The following ATE1 variants were observed in gnomAD, a reference collection of about 807,000 sequenced individuals.
ATE1 encodes arginyl-tRNA--protein transferase 1.
A neutral mutation model predicts 70.5 loss-of-function variants in ATE1; 36 were observed. The observed-to-expected ratio is 0.51, with a 90% CI of 0.39 to 0.67. The LOEUF (loss-of-function observed/expected upper bound fraction) is 0.67. ATE1 is among the 30% of genes least tolerant of loss of function. The pLI, the probability that ATE1 is intolerant of heterozygous loss-of-function variation, is 0.00. For synonymous variants in ATE1, 232 were observed against 219.3 expected, an observed-to-expected ratio of 1.06 and a Z score of -0.51; for missense variants, 593 against 629.5, an observed-to-expected ratio of 0.94 and a Z score of 0.62.
chr10:121,866,139 G>A (rs1210470198), intron 8 of ATE1, among the ~76,000 whole-genome samples: 2 of 152,156 alleles, frequency 1.3e-5, no homozygotes, highest in African/African-American at 2.4e-5. Context: ...CTCCTGCCTT[G>A]CCTTTGGTTT....
intron 5 of ATE1, among the ~76,000 whole-genome samples, chr10:121,907,565 G>A (rs1214602734): frequency 1.3e-5 from 2 of 152,020 alleles, no homozygotes; most frequent in African/African-American, 4.8e-5. Flanking sequence ...ACGAGATCAG[G>A]AGGTCAAGAT....
At position 121,873,865 on chromosome 10, in the gene ATE1, T is replaced by A. The variant is rs183946013; in HGVS notation, c.943-3827A>T. ...AGGAAACACTCAACACCAAAAGGCA[T>A]TTTTTACAAAGATAAATAACATTTT... On this transcript the variant is annotated intron_variant, in intron 7 of 11. Transcript: ENST00000224652. Among the ~76,000 whole-genome samples the A allele has an allele frequency of 7.1e-3, 1,078 of 152,242 alleles. 25 individuals carry two copies. The highest frequency in any genetic ancestry group is 0.025 in the African/African-American group (1,021 of 41,562).
At chr10:121,897,824 C>CAAA (rs59751617) in intron 7 of ATE1, among the ~76,000 whole-genome samples, 1 of 101,846 alleles carries the variant, frequency 9.8e-6, no homozygotes. Context: ...GACTCCGTCT[C>CAAA]AAAAAAAAAA....
At chr10:121,782,487 A>G (rs1186141620) in intron 11 of ATE1, 1 of 152,224 alleles carries the variant, frequency 6.6e-6, no homozygotes, top group Non-Finnish European at 1.5e-5. Flanking sequence ...TTATTGGCTA[A>G]GCAAAGTTTT....
In ATE1 at chr10:121,909,613, T is replaced by G. The variant is rs544999151; in HGVS notation, c.583+1293A>C. Among the ~76,000 whole-genome samples, 72 of 152,336 alleles carry G rather than the reference T, an allele frequency of 4.7e-4. 2 individuals carry two copies. In the South Asian group the frequency reaches 0.015, roughly 31 times the overall value. On this transcript the variant is annotated intron_variant, in intron 5 of 11. Transcript: ENST00000224652. ...AGTACATGGAAGTCGATTATACTAT[T>G]CAATCTATGTTCATCTATGTTTGAA...
intron 5 of ATE1, among the ~76,000 whole-genome samples, chr10:121,907,912 A>G (rs1163141133): frequency 6.6e-6 from 1 of 152,204 alleles, no homozygotes; most frequent in Non-Finnish European, 1.5e-5. Context: ...CTCCTAATCT[A>G]GTGTGTGATC....
chr10:121,820,057 C>T (rs1374518114), intron 10 of ATE1, among the ~76,000 whole-genome samples: 1 of 151,980 alleles, frequency 6.6e-6, no homozygotes, highest in Admixed American at 6.6e-5. Flanking sequence ...GAGGCAGAAT[C>T]ACTTGAACTG....
intron 8 of ATE1, among the ~76,000 whole-genome samples, chr10:121,858,659 A>AATATATATAATATATATT (rs1554913043): frequency 0.017 from 125 of 7,496 alleles, no homozygotes; most frequent in African/African-American, 0.049. Context: ...TTATACATAT[A>AATATATATAATATATATT]ATATATATAT....
chr10:121,779,944 G>C (rs1188320092), intron 11 of ATE1, among the ~76,000 whole-genome samples: 4 of 152,052 alleles, frequency 2.6e-5, no homozygotes, highest in African/African-American at 9.7e-5. Context: ...CCCACACTCT[G>C]GGCTTCCTCT....
intron 8 of ATE1, among the ~76,000 whole-genome samples, chr10:121,855,899 AC>A (rs1374163068): frequency 6.6e-6 from 1 of 151,548 alleles, no homozygotes; most frequent in African/African-American, 2.4e-5. Flanking sequence ...ACATGGTGAA[AC>A]CCTGGTCTCT....
chr10:121,843,838 A>C (rs1372271474), intron 8 of ATE1, among the ~76,000 whole-genome samples: 4 of 152,178 alleles, frequency 2.6e-5, no homozygotes, highest in African/African-American at 2.4e-5. Flanking sequence ...CCAGATGATA[A>C]TATAAAAGAA....
chr10:121,742,565 C>G lies in ATE1; in HGVS notation c.*1115G>C, dbSNP rs961095007. Reference sequence around the variant, plus strand: ...GGACATGTCTGACTGTCCTCCTGTACCCAGCACAGTGCCTGCCACCTTGAC... The same window carrying G: ...GGACATGTCTGACTGTCCTCCTGTAGCCAGCACAGTGCCTGCCACCTTGAC... On this transcript the variant is annotated 3_prime_UTR_variant, in exon 12 of 12. Coordinates refer to ENST00000224652, the MANE Select transcript of ATE1 (RefSeq NM_001001976.3). The G allele has an allele frequency of 3.9e-5, 6 of 152,212 alleles. No homozygotes were observed. Among genetic ancestry groups the G allele is most frequent in the African/African-American group, 1.4e-4 (6 of 41,434 alleles). The allele number at this position is 152,212 out of a possible 1,614,324, so 9.4% of individuals were successfully genotyped here. A position where few individuals can be genotyped will look rare whatever the true frequency, so the allele number is the denominator to read the frequency against.
intron 7 of ATE1, among the ~76,000 whole-genome samples, chr10:121,888,471 C>A (rs1430183222): frequency 6.6e-6 from 1 of 152,118 alleles, no homozygotes; most frequent in African/African-American, 2.4e-5. Context: ...CAAGTGACAA[C>A]AGACTTAAAT....
intron 7 of ATE1, among the ~76,000 whole-genome samples, chr10:121,893,465 G>A (rs1346784332): frequency 2.0e-5 from 3 of 151,890 alleles, no homozygotes; most frequent in Non-Finnish European, 4.4e-5. Context: ...ACTGGTTAAC[G>A]TAAGAAATTA....
Position 121,741,547 on chromosome 10 carries a change from G to A in ATE1, c.*2133C>T, listed in dbSNP as rs1944147998. On this transcript the variant is annotated 3_prime_UTR_variant, in exon 12 of 12. Transcript: ENST00000224652. The stretch of plus-strand genomic sequence containing the variant: ...TTGGAGTCAAGTTTTCTCTTCATCT[G>A]ATATTCAAGGGTTGTGATCTTTATG... The A allele has an allele frequency of 6.6e-6, 1 of 152,182 alleles. No individual in the cohort carries two copies. Among genetic ancestry groups the A allele is most frequent in the Admixed American group, 6.5e-5 (1 of 15,280 alleles). The allele number at this position is 152,182 out of a possible 1,614,324, so 9.4% of individuals were successfully genotyped here.
At chr10:121,784,213 G>A (rs1032509634) in intron 11 of ATE1, among the ~76,000 whole-genome samples, 1 of 152,186 alleles carries the variant, frequency 6.6e-6, no homozygotes, top group East Asian at 1.9e-4. Flanking sequence ...CTCATGCATG[G>A]CTTATTGAGC....
rs1944228255 is a variant in ATE1, at chr10:121,743,822, T to C, written c.1415A>G (p.Gln472Arg). 3.1e-6 allele frequency: 5 copies of C among 1,613,530 alleles called. No homozygotes were observed. The East Asian group carries it at 1.1e-4, about 36-fold the overall frequency. The change falls in exon 12 of 12, where the codon CAG becomes CGG. Residue 472 changes from glutamine (Q) to arginine (R), a missense_variant. This residue lies in a region of ATE1 where 90 missense variants were observed against 93.7 expected (regional missense o/e 0.96). Coordinates refer to ENST00000224652, the MANE Select transcript of ATE1 (RefSeq NM_001001976.3). ...CATGATGGCTCTCTTGTGAAACACCTGCAATCGGTCAGGTTCCGTACTGCG... is the reference window on the plus strand; with the variant it reads ...CATGATGGCTCTCTTGTGAAACACCCGCAATCGGTCAGGTTCCGTACTGCG... ...EDRSTEPDRL[Q>R]VFHKRAIMPY...
intron 1 of ATE1, 123 bp downstream of exon 1, chr10:121,927,721 C>G (rs1451432055): frequency 1.5e-6 from 2 of 1,354,526 alleles, no homozygotes; most frequent in Non-Finnish European, 1.9e-6. Context: ...GAGAGTGCCC[C>G]CTCCGTCTCG....
intron 1 of ATE1, among the ~76,000 whole-genome samples, chr10:121,926,221 A>G (rs1236236726): frequency 2.0e-5 from 3 of 152,150 alleles, no homozygotes; most frequent in Admixed American, 6.6e-5. Flanking sequence ...AAATAAATAA[A>G]TAAATAAATG....
Sources: allele counts gnomAD v4.1 joint callset (sites outside exome capture counted in the v4.1 genomes callset), GRCh38; gene constraint gnomAD v4.1.1; regional missense constraint gnomAD v4.1.1; transcripts MANE v1.5; gene names NCBI Gene and HGNC (gene_info 2026-07-23, HGNC 2026-07-21).